SENP1: variants seen among roughly 807,000 people sequenced by gnomAD.
The protein encoded by SENP1 is sentrin-specific protease 1.
A neutral mutation model predicts 93.0 loss-of-function variants in SENP1; 21 were observed. That is an observed-to-expected ratio of 0.23 (90% CI 0.16 to 0.33). The LOEUF (loss-of-function observed/expected upper bound fraction) is 0.33. Among genes scored for constraint, SENP1 ranks in the 10% least tolerant of loss-of-function variants. SENP1 has a pLI of 1.00. For synonymous variants in SENP1, 256 were observed against 259.6 expected (o/e 0.99, Z 0.13); for missense variants, 591 against 758.7 (o/e 0.78, Z 2.60).
At chr12:48,045,997 G>A (rs1167899207) in intron 17 of SENP1, among the ~76,000 whole-genome samples, 4 of 152,120 alleles carry the variant, frequency 2.6e-5, no homozygotes, top group Non-Finnish European at 4.4e-5. Context: ...AGGAGATTGA[G>A]GTATGGCCTA....
At chr12:48,066,899 A>G in intron 10 of SENP1, 28 bp downstream of exon 10, 4 of 1,502,440 alleles carry the variant, frequency 2.7e-6, no homozygotes, top group Non-Finnish European at 3.6e-6. Flanking sequence ...CTGATTGAGA[A>G]GGAAAAATGA....
chr12:48,056,054 T>C (rs1942258835), intron 13 of SENP1, among the ~76,000 whole-genome samples: 1 of 126,146 alleles, frequency 7.9e-6, no homozygotes, highest in Non-Finnish European at 1.5e-5. Flanking sequence ...ATATATACTG[T>C]ATACTTAATA....
At chr12:48,080,621 T>C (rs1428788846) in intron 6 of SENP1, 1 of 152,250 alleles carries the variant, frequency 6.6e-6, no homozygotes, top group Non-Finnish European at 1.5e-5. Flanking sequence ...AGTTTGTAAG[T>C]TCCCATCAGT....
intron 5 of SENP1, chr12:48,085,213 C>T (rs985886058): frequency 6.6e-7 from 1 of 1,524,854 alleles, no homozygotes; most frequent in Non-Finnish European, 9.1e-7. Flanking sequence ...ATCGAAGACA[C>T]TTTCCGGCAA....
Position 48,065,691 on chromosome 12 carries a change from A to G in SENP1, c.1035-11T>C. 6.5e-7 allele frequency: 1 copy of G among 1,538,602 alleles called. No homozygotes were observed. Among genetic ancestry groups the G allele is most frequent in the Non-Finnish European group, 8.8e-7 (1 of 1,134,636 alleles). ...TCATAAACACTAGTTCTAGAAAATG[A>G]AAAGGAACGTGACCAAATGTAGACC... is the stretch of plus-strand genomic sequence containing the variant. On this transcript the variant is annotated splice_polypyrimidine_tract_variant and intron_variant, in intron 10 of 17. Transcript: ENST00000549518.
At chr12:48,093,828 T>C (rs1384430428) in intron 4 of SENP1, among the ~76,000 whole-genome samples, 1 of 151,812 alleles carries the variant, frequency 6.6e-6, no homozygotes, top group South Asian at 2.1e-4. Context: ...TAGCTAGGCA[T>C]GCTGGCATGC....
chr12:48,046,969 GA>G lies in SENP1; in HGVS notation c.1776+8del. ...TTTAGGACTTTTATTTCATCAAGAT[GA>G]AAGGTACCTGGCTTTTCTTGCTGAA... On this transcript the variant is annotated splice_region_variant and intron_variant, in intron 16 of 17. Transcript: ENST00000549518. 1 of 1,589,324 alleles carries G rather than the reference GA, an allele frequency of 6.3e-7. No individual in the cohort carries two copies. Among genetic ancestry groups the G allele is most frequent in the Non-Finnish European group, 8.6e-7 (1 of 1,159,268 alleles).
intron 13 of SENP1, among the ~76,000 whole-genome samples, chr12:48,060,093 T>G (rs1036938709): frequency 2.6e-5 from 4 of 152,142 alleles, no homozygotes; most frequent in African/African-American, 4.8e-5. Flanking sequence ...CACCCCACCC[T>G]AGAAAGCTGG....
intron 1 of SENP1, among the ~76,000 whole-genome samples, chr12:48,102,344 A>C (rs1945997321): frequency 6.7e-6 from 1 of 148,932 alleles, no homozygotes; most frequent in Non-Finnish European, 1.5e-5. Flanking sequence ...AGACAGAAGA[A>C]TTGCTTGAAC....
rs774746421 is a variant in SENP1, at chr12:48,065,209, C to T, written c.1131G>A (p.Glu377=). 5 of 1,593,442 alleles carry T rather than the reference C, an allele frequency of 3.1e-6. No individual in the cohort carries two copies. Among genetic ancestry groups the T allele is most frequent in the African/African-American group, 1.3e-5 (1 of 74,514 alleles). Residue 377 remains glutamate, a synonymous_variant, in exon 12 of 18, where the codon GAG becomes GAA. Transcript: ENST00000549518. ...ALQLQNQRLQ[E]REHSVHDSVE... ...CTGAATCATGTACTGAATGTTCCCG[C>T]TCCTGCAATCTCTGAAAGATAAAAC...
rs968917641 is a variant in SENP1 at position 48,044,867 on chromosome 12, T to G, written c.*455A>C. Reference sequence around the variant, plus strand: ...GTGTGTGTGTGTGTGTTTGTGTGTGTGGGTGTGTGTGTATGTCCATGTATA... The same window carrying G: ...GTGTGTGTGTGTGTGTTTGTGTGTGGGGGTGTGTGTGTATGTCCATGTATA... On this transcript the variant is annotated 3_prime_UTR_variant, in exon 18 of 18. Coordinates refer to ENST00000549518, the MANE Select transcript of SENP1 (RefSeq NM_001267594.2). 78 of 165,386 alleles carry G rather than the reference T, an allele frequency of 4.7e-4. No homozygotes were observed. The highest frequency in any genetic ancestry group is 1.7e-3 in the African/African-American group (71 of 42,094). The allele number at this position is 165,386 out of a possible 1,614,324, so 10.2% of individuals were successfully genotyped here. A position where few individuals can be genotyped will look rare whatever the true frequency, so the allele number is the denominator to read the frequency against.
chr12:48,092,219 T>C (rs1464040346), intron 4 of SENP1, among the ~76,000 whole-genome samples: 1 of 151,814 alleles, frequency 6.6e-6, no homozygotes, highest in Non-Finnish European at 1.5e-5. Flanking sequence ...CAAATACCAA[T>C]AAAGTCAGGA....
intron 6 of SENP1, among the ~76,000 whole-genome samples, chr12:48,075,180 C>T (rs1411290451): frequency 1.3e-5 from 2 of 151,948 alleles, no homozygotes; most frequent in Non-Finnish European, 2.9e-5. Context: ...GGTGCCACTA[C>T]ACTCCAGCCT....
intron 6 of SENP1, among the ~76,000 whole-genome samples, chr12:48,075,857 A>G (rs563882060): frequency 6.6e-6 from 1 of 152,284 alleles, no homozygotes; most frequent in South Asian, 2.1e-4. Context: ...TCTCTAAAAA[A>G]AAGTGATATT....
chr12:48,102,403 GC>G (rs67273450), intron 1 of SENP1, among the ~76,000 whole-genome samples: 65,828 of 133,508 alleles, frequency 0.49, 15,989 homozygotes, highest in Middle Eastern at 0.59. Context: ...CTGCACTCCA[GC>G]CTGGGCGACA....
chr12:48,088,962 T>TA lies in SENP1; in HGVS notation c.221-3dup. On this transcript the variant is annotated splice_region_variant and splice_polypyrimidine_tract_variant and intron_variant, in intron 4 of 17. Transcript: ENST00000549518. ...GAAAACTGTCTGAGGAAGGATTATC[T>TA]AAAAAAATAAAAGTTTGAATAAATT... 1.3e-6 allele frequency: 2 copies of TA among 1,569,592 alleles called. No individual in the cohort carries two copies. Among genetic ancestry groups the TA allele is most frequent in the Non-Finnish European group, 1.7e-6 (2 of 1,160,088 alleles).
chr12:48,057,066 A>G (rs189223714), intron 13 of SENP1, among the ~76,000 whole-genome samples: 28 of 57,424 alleles, frequency 4.9e-4, no homozygotes, highest in African/African-American at 1.9e-3. Context: ...ATATAAATAT[A>G]TTATTTAATA....
At chr12:48,056,196 G>GTATATATTATTTTA (rs1942297201) in intron 13 of SENP1, among the ~76,000 whole-genome samples, 1 of 65,006 alleles carries the variant, frequency 1.5e-5, no homozygotes, top group Non-Finnish European at 2.7e-5. Context: ...TTAATATATA[G>GTATATATTATTTTA]TATATATTAT....
intron 12 of SENP1, among the ~76,000 whole-genome samples, 198 bp downstream of exon 12, chr12:48,064,867 G>C (rs1464237409): frequency 1.3e-5 from 2 of 152,102 alleles, no homozygotes; most frequent in Non-Finnish European, 2.9e-5. Context: ...GGTAGAGATG[G>C]GGTTTTACCA....
Sources: gnomAD v4.1 joint callset for allele counts (sites outside exome capture counted in the v4.1 genomes callset) on GRCh38, gnomAD v4.1.1 for gene constraint, MANE v1.5 for transcripts, NCBI Gene and HGNC (gene_info 2026-07-23, HGNC 2026-07-21) for gene names.